TGFBR3L: variants seen among roughly 807,000 people sequenced by gnomAD.
The protein encoded by TGFBR3L is transforming growth factor beta receptor 3 like.
Under a neutral mutation model 20.4 loss-of-function variants are expected in TGFBR3L, and 21 were observed. That is an observed-to-expected ratio of 1.03 (90% CI 0.73 to 1.48). TGFBR3L has a LOEUF of 1.48. Among genes scored for constraint, TGFBR3L ranks in the 40% most tolerant of loss-of-function variants. The probability of loss-of-function intolerance (pLI) is 0.00; values close to 1 mark genes in which losing one functional copy is unlikely to be tolerated. For synonymous variants in TGFBR3L, 245 were observed against 244.2 expected, an observed-to-expected ratio of 1.00 and a Z score of -0.03; for missense variants, 479 against 498.0, an observed-to-expected ratio of 0.96 and a Z score of 0.36.
rs1043436523 is a variant in TGFBR3L at position 7,917,047 on chromosome 19, G to C, written c.597+105G>C. The C allele has an allele frequency of 7.3e-6, 9 of 1,240,020 alleles. No homozygotes were observed. The Admixed American group carries it at 3.4e-4, about 47-fold the overall frequency. 76.8% of individuals were successfully genotyped at this position (1,240,020 alleles called of 1,614,324 possible). A position where few individuals can be genotyped will look rare whatever the true frequency, so the allele number is the denominator to read the frequency against. On this transcript the variant is annotated intron_variant, in intron 2 of 5. Transcript: ENST00000565886. ...GGATACTCTCGGGGTCTGAGGATCT[G>C]GGGGTTGGGGGAGGTGGGGCGCAAG...
Position 7,917,862 on chromosome 19 carries a change from A to T in TGFBR3L, c.883+3A>T, listed in dbSNP as rs934879647. On this transcript the variant is annotated splice_donor_region_variant and intron_variant, in intron 4 of 5. Transcript: ENST00000565886. ...GGGTCTCGTCTGTGCGCACTCAGGT[A>T]CCGACGACCTCCGCCAAGCCGGGCC... The T allele has an allele frequency of 1.3e-4, 175 of 1,371,312 alleles. No individual in the cohort carries two copies. The highest frequency in any genetic ancestry group is 5.4e-4 in the Middle Eastern group (2 of 3,736). 84.9% of individuals were successfully genotyped at this position (1,371,312 alleles called of 1,614,324 possible). A position where few individuals can be genotyped will look rare whatever the true frequency, so the allele number is the denominator to read the frequency against.
rs1330210600 is a variant in TGFBR3L at position 7,916,432 on chromosome 19, C to T, written c.165C>T (p.Gly55=). ...CTCCCCCGTTCCCCGCGGCGCCCGG[C>T]CCCTGGCTGCGCAGACCCCTCTTCA... Residue 55 remains glycine, a synonymous_variant, in exon 1 of 6, where the codon GGC becomes GGT. Coordinates refer to ENST00000565886, the MANE Select transcript of TGFBR3L (RefSeq NM_001195259.2). The T allele has an allele frequency of 1.2e-5, 18 of 1,534,438 alleles. No individual in the cohort carries two copies. Among genetic ancestry groups the T allele is most frequent in the Middle Eastern group, 3.4e-4 (2 of 5,970 alleles).
intron 4 of TGFBR3L, 80 bp from the exon 6 acceptor site, chr19:7,917,977 G>A (rs778528188): frequency 6.8e-6 from 10 of 1,474,236 alleles, no homozygotes; most frequent in Non-Finnish European, 9.0e-6. Flanking sequence ...CCTCCGCGAT[G>A]CCCGCAGCAG....
chr19:7,918,976 C>T lies in TGFBR3L; in HGVS notation c.*65C>T. 2.5e-6 allele frequency: 1 copy of T among 398,598 alleles called. No individual in the cohort carries two copies. Among genetic ancestry groups the T allele is most frequent in the Non-Finnish European group, 4.4e-6 (1 of 226,080 alleles). 24.7% of individuals were successfully genotyped at this position (398,598 alleles called of 1,614,324 possible). On this transcript the variant is annotated 3_prime_UTR_variant, in exon 6 of 6. Coordinates refer to ENST00000565886, the MANE Select transcript of TGFBR3L (RefSeq NM_001195259.2). The stretch of plus-strand genomic sequence containing the variant: ...CCCAGCTACCAATTCGGGACCAGGA[C>T]CAACAGGACCGGACCCGCCTCCCTG...
In TGFBR3L at chr19:7,918,947, T is replaced by G. The variant is rs568458751; in HGVS notation, c.*36T>G. 10 of 398,560 alleles carry G rather than the reference T, an allele frequency of 2.5e-5. No homozygotes were observed. In the East Asian group the frequency reaches 3.6e-4, roughly 14 times the overall value. 24.7% of individuals were successfully genotyped at this position (398,560 alleles called of 1,614,324 possible). On this transcript the variant is annotated 3_prime_UTR_variant, in exon 6 of 6. Coordinates refer to ENST00000565886, the MANE Select transcript of TGFBR3L (RefSeq NM_001195259.2). ...GTGCGCCCCCAACATGGTCCGGAGA[T>G]ACACCCAGCTACCAATTCGGGACCA...
chr19:7,916,554 C>T lies in TGFBR3L; in HGVS notation c.276+11C>T, dbSNP rs1194281079. 17 of 1,469,594 alleles carry T rather than the reference C, an allele frequency of 1.2e-5. No individual in the cohort carries two copies. In the Middle Eastern group the frequency reaches 5.5e-4, roughly 47 times the overall value. The allele number at this position is 1,469,594 out of a possible 1,614,324, so 91.0% of individuals were successfully genotyped here. ...CGCGTGTTCGTGCAGGTGGGGACCC[C>T]GGGGACACCAGGGGCGGATGGGGGC... On this transcript the variant is annotated intron_variant, in intron 1 of 5. Transcript: ENST00000565886.
In TGFBR3L at chr19:7,917,765, C is replaced by G. The variant is rs1226697590; in HGVS notation, c.789C>G (p.Ala263=). 6.9e-7 allele frequency: 1 copy of G among 1,442,234 alleles called. No individual in the cohort carries two copies. Among genetic ancestry groups the G allele is most frequent in the Non-Finnish European group, 9.0e-7 (1 of 1,105,772 alleles). 89.3% of individuals were successfully genotyped at this position (1,442,234 alleles called of 1,614,324 possible). ...AGCCTCCCGCGCCGGCCCCCGCGGC[C>G]CTGGAACCCGCGCCGGTGGTGGCGC... Residue 263 remains alanine, a synonymous_variant, in exon 4 of 6, where the codon GCC becomes GCG. Coordinates refer to ENST00000565886, the MANE Select transcript of TGFBR3L (RefSeq NM_001195259.2).
Position 7,918,129 on chromosome 19 carries a change from G to A in TGFBR3L, c.*5G>A. 1 of 1,535,312 alleles carries A rather than the reference G, an allele frequency of 6.5e-7. No homozygotes were observed. The highest frequency in any genetic ancestry group is 8.7e-7 in the Non-Finnish European group (1 of 1,146,378). On this transcript the variant is annotated splice_region_variant and 3_prime_UTR_variant, in exon 5 of 6. Coordinates refer to ENST00000565886, the MANE Select transcript of TGFBR3L (RefSeq NM_001195259.2). ...CAGCCCAGGAGGTCCCAGTGAGGAA[G>A]GTAGGTATGGAGGTGGAGGGAGCTG...
Position 7,916,842 on chromosome 19 carries a change from TGCAGTTC to T in TGFBR3L, c.498_504del (p.Gln167CysfsTer5). 3 of 1,464,086 alleles carry T rather than the reference TGCAGTTC, an allele frequency of 2.0e-6. No individual in the cohort carries two copies. The highest frequency in any genetic ancestry group is 2.7e-6 in the Non-Finnish European group (3 of 1,111,430). The allele number at this position is 1,464,086 out of a possible 1,614,324, so 90.7% of individuals were successfully genotyped here. A position where few individuals can be genotyped will look rare whatever the true frequency, so the allele number is the denominator to read the frequency against. ...CTGCGCCCGGTCTTCAACGCCTCGG[TGCAGTTC>T]CTGCACTGCCAGCTGAGCCGCTGCC... On this transcript the variant is annotated frameshift_variant, in exon 2 of 6. Transcript: ENST00000565886. LOFTEE classifies it high-confidence loss of function.
Position 7,917,609 on chromosome 19 carries a change from C to G in TGFBR3L, c.724+10C>G, listed in dbSNP as rs767153184. The G allele has an allele frequency of 4.1e-6, 6 of 1,460,830 alleles. No homozygotes were observed. In the South Asian group the frequency reaches 8.0e-5, roughly 20 times the overall value. 90.5% of individuals were successfully genotyped at this position (1,460,830 alleles called of 1,614,324 possible). A position where few individuals can be genotyped will look rare whatever the true frequency, so the allele number is the denominator to read the frequency against. On this transcript the variant is annotated intron_variant, in intron 3 of 5. Coordinates refer to ENST00000565886, the MANE Select transcript of TGFBR3L (RefSeq NM_001195259.2). ...CCGCGGCCGCCCCCCAGTGAGCACG[C>G]AGTCCTCCTCCGCATGGGGCCGTGG...
intron 5 of TGFBR3L, among the ~76,000 whole-genome samples, 187 bp downstream of exon 6, chr19:7,918,316 A>C (rs1983416024): frequency 6.6e-6 from 1 of 152,094 alleles, no homozygotes; most frequent in Non-Finnish European, 1.5e-5. Flanking sequence ...GGCTCACCGC[A>C]ACCTCTGCCT....
At position 7,917,594 on chromosome 19, in the gene TGFBR3L, C is replaced by G. The variant is rs1303089231; in HGVS notation, c.719C>G (p.Pro240Arg). 6.8e-7 allele frequency: 1 copy of G among 1,476,564 alleles called. No individual in the cohort carries two copies. The highest frequency in any genetic ancestry group is 9.0e-7 in the Non-Finnish European group (1 of 1,116,060). 91.5% of individuals were successfully genotyped at this position (1,476,564 alleles called of 1,614,324 possible). ...ATCGTGGTCACCGTGCCGCGGCCGC[C>G]CCCCAGTGAGCACGCAGTCCTCCTC... is the stretch of plus-strand genomic sequence containing the variant. The change falls in exon 3 of 6, where the codon CCC (proline) becomes CGC (arginine). Residue 240 changes from proline to arginine, a missense_variant. By Grantham distance (103) the Pro-to-Arg change is moderately radical. Transcript: ENST00000565886.
At chr19:7,917,919 G>A in intron 4 of TGFBR3L, 60 bp downstream of exon 5, 1 of 1,381,662 alleles carries the variant, frequency 7.2e-7, no homozygotes, top group Non-Finnish European at 9.3e-7. Context: ...GGGACCCGGG[G>A]CGGCCGCGAT....
intron 3 of TGFBR3L, 50 bp downstream of exon 4, chr19:7,917,649 T>C: frequency 1.4e-6 from 2 of 1,427,026 alleles, no homozygotes; most frequent in South Asian, 1.4e-5. Flanking sequence ...GCAGAGCGGG[T>C]GGGAAGGACG....
chr19:7,915,639 GA>G lies in TGFBR3L; in HGVS notation c.-627del, dbSNP rs1318005129. Among the ~76,000 whole-genome samples, 1 of 152,226 alleles carries G rather than the reference GA, an allele frequency of 6.6e-6. No homozygotes were observed. Among genetic ancestry groups the G allele is most frequent in the Non-Finnish European group, 1.5e-5 (1 of 68,040 alleles). ...TGTGGTCATAGCTACTCGAGAGGCT[GA>G]AGCAGGAGGATGGCTGGAGCCCAGG... On this transcript the variant is annotated 5_prime_UTR_variant, in exon 1 of 6. Coordinates refer to ENST00000565886, the MANE Select transcript of TGFBR3L (RefSeq NM_001195259.2).
chr19:7,916,653 G>A lies in TGFBR3L; in HGVS notation c.308G>A (p.Gly103Asp). ...TTGGCCCGTCCCTCCCCGCGCTGGG[G>A]CCTGGCCCTGCACCGCTGCTCAGTG... Residue 103 changes from glycine to aspartate, a missense_variant, in exon 2 of 6, where the codon GGC becomes GAC. Coordinates refer to ENST00000565886, the MANE Select transcript of TGFBR3L (RefSeq NM_001195259.2). The A allele has an allele frequency of 7.0e-7, 1 of 1,430,604 alleles. No individual in the cohort carries two copies. Among genetic ancestry groups the A allele is most frequent in the African/African-American group, 1.5e-5 (1 of 66,346 alleles). The allele number at this position is 1,430,604 out of a possible 1,614,324, so 88.6% of individuals were successfully genotyped here.
chr19:7,916,410 C>T lies in TGFBR3L; in HGVS notation c.143C>T (p.Pro48Leu), dbSNP rs1233471263. ...CCGCCCTTCCCCGCCCCGCCAGCTC[C>T]CCCGTTCCCCGCGGCGCCCGGCCCC... The change falls in exon 1 of 6, where the codon CCC becomes CTC. Residue 48 changes from proline to leucine, a missense_variant. Pro to Leu is a moderately conservative substitution (Grantham distance 98). Transcript: ENST00000565886. The T allele has an allele frequency of 1.4e-5, 21 of 1,534,974 alleles. No individual in the cohort carries two copies. Among genetic ancestry groups the T allele is most frequent in the Non-Finnish European group, 1.7e-5 (19 of 1,146,402 alleles).
At chr19:7,917,428 G>T (rs1983359431) in intron 2 of TGFBR3L, 45 bp from the exon 4 acceptor site, 7 of 1,510,732 alleles carry the variant, frequency 4.6e-6, no homozygotes, top group Non-Finnish European at 6.2e-6. Flanking sequence ...CCACGATCCC[G>T]GTGCCCTGAT....
chr19:7,918,949 C>T lies in TGFBR3L; in HGVS notation c.*38C>T. Reference sequence around the variant, plus strand: ...GCGCCCCCAACATGGTCCGGAGATACACCCAGCTACCAATTCGGGACCAGG... The same window carrying T: ...GCGCCCCCAACATGGTCCGGAGATATACCCAGCTACCAATTCGGGACCAGG... On this transcript the variant is annotated 3_prime_UTR_variant, in exon 6 of 6. Coordinates refer to ENST00000565886, the MANE Select transcript of TGFBR3L (RefSeq NM_001195259.2). 1 of 398,642 alleles carries T rather than the reference C, an allele frequency of 2.5e-6. No individual in the cohort carries two copies. The highest frequency in any genetic ancestry group is 4.4e-6 in the Non-Finnish European group (1 of 226,092). The allele number at this position is 398,642 out of a possible 1,614,324, so 24.7% of individuals were successfully genotyped here.
Sources: allele counts gnomAD v4.1 joint callset (sites outside exome capture counted in the v4.1 genomes callset), GRCh38; gene constraint gnomAD v4.1.1; transcripts MANE v1.5; gene names NCBI Gene and HGNC (gene_info 2026-07-23, HGNC 2026-07-21).